MTCL2: variants seen among roughly 807,000 people sequenced by gnomAD.
MTCL2 encodes the protein microtubule crosslinking factor 2, also known as microtubule cross-linking factor 2.
chr20:36,853,020 G>GCACTC, the MTCL2 span, among the ~76,000 whole-genome samples: 1 of 150,302 alleles, frequency 6.7e-6, no homozygotes, highest in Non-Finnish European at 1.5e-5. Context: ...TCACGCCACT[G>GCACTC]CACTCCAGCT....
the MTCL2 span, among the ~76,000 whole-genome samples, chr20:36,791,374 T>C: frequency 6.6e-6 from 1 of 152,206 alleles, no homozygotes; most frequent in Non-Finnish European, 1.5e-5. Flanking sequence ...TTCTGCAACT[T>C]ATACCTAAGG....
chr20:36,810,084 C>T, the MTCL2 span: 48 of 1,598,610 alleles, frequency 3.0e-5, no homozygotes, highest in Non-Finnish European at 3.7e-5. Context: ...GGGCCTCAGC[C>T]AGCACCAGCT....
At chr20:36,839,867 T>C in the MTCL2 span, among the ~76,000 whole-genome samples, 1 of 152,182 alleles carries the variant, frequency 6.6e-6, no homozygotes, top group Non-Finnish European at 1.5e-5. This position sits in a 1 kb window ranked among gnomAD's most constrained non-coding sequence, Gnocchi z 5.1. Flanking sequence ...GTGTTCATTT[T>C]TTTGTTGTTT....
At chr20:36,839,558 G>C in the MTCL2 span, 1 of 852,568 alleles carries the variant, frequency 1.2e-6, no homozygotes, top group African/African-American at 1.7e-5. This position sits in a 1 kb window ranked among gnomAD's most constrained non-coding sequence, Gnocchi z 5.1. Flanking sequence ...GTGGCAGGCT[G>C]AATGACAGAC....
chr20:36,835,380 A>G, the MTCL2 span, among the ~76,000 whole-genome samples: 2 of 151,720 alleles, frequency 1.3e-5, no homozygotes, highest in Admixed American at 1.3e-4. Flanking sequence ...CCTCTGCTCC[A>G]TAAAACCACA....
the MTCL2 span, chr20:36,839,178 T>A: frequency 6.4e-7 from 1 of 1,560,882 alleles, no homozygotes; most frequent in South Asian, 1.1e-5. The surrounding 1 kb of genome is among the most constrained non-coding windows in gnomAD (Gnocchi z 5.1). Context: ...AGACTTGTGG[T>A]CCCATCCCAG....
At chr20:36,859,998 A>G in the MTCL2 span, 1 of 1,052,298 alleles carries the variant, frequency 9.5e-7, no homozygotes, top group African/African-American at 1.6e-5. Context: ...TAACCCCTCT[A>G]TTTATGGTCC....
At chr20:36,827,667 G>C in the MTCL2 span, among the ~76,000 whole-genome samples, 1 of 152,102 alleles carries the variant, frequency 6.6e-6, no homozygotes, top group Non-Finnish European at 1.5e-5. Flanking sequence ...TGATGTCACA[G>C]ATAAAGAAAC....
chr20:36,803,725 G>A, the MTCL2 span, among the ~76,000 whole-genome samples: 1 of 151,982 alleles, frequency 6.6e-6, no homozygotes. Context: ...GGAGGCTGAG[G>A]CCGGCAGATC....
chr20:36,791,916 G>A, the MTCL2 span, among the ~76,000 whole-genome samples: 83 of 151,898 alleles, frequency 5.5e-4, 1 homozygote, highest in Admixed American at 4.6e-4. Context: ...TTCCCTTTCT[G>A]CAAAGTTAAC....
the MTCL2 span, among the ~76,000 whole-genome samples, chr20:36,851,679 C>CTTTCTTGGCATATATCATAGGCTTATT: frequency 6.6e-6 from 1 of 152,184 alleles, no homozygotes; most frequent in Non-Finnish European, 1.5e-5. Context: ...TCCCTTGTTT[C>CTTTCTTGGCATATATCATAGGCTTATT]TTTCTTGGCA....
the MTCL2 span, chr20:36,784,847 G>A: frequency 1.7e-5 from 17 of 985,492 alleles, no homozygotes; most frequent in Non-Finnish European, 2.0e-5. Flanking sequence ...CAGGCTGGGA[G>A]ACACTCAGGT....
the MTCL2 span, among the ~76,000 whole-genome samples, chr20:36,836,155 G>C: frequency 7.5e-6 from 1 of 132,908 alleles, no homozygotes; most frequent in South Asian, 2.4e-4. Flanking sequence ...GGTACGCTTT[G>C]AACTTGGAAA....
At chr20:36,812,632 C>T in the MTCL2 span, 1 of 1,572,794 alleles carries the variant, frequency 6.4e-7, no homozygotes, top group South Asian at 1.2e-5. Context: ...GATATATGGA[C>T]CACTCTGCTT....
chr20:36,778,147 G>C, the MTCL2 span: 2 of 256,652 alleles, frequency 7.8e-6, no homozygotes, highest in East Asian at 1.6e-4. Flanking sequence ...CTTTCTCCAG[G>C]CCCTTCAACT....
chr20:36,815,038 G>C, the MTCL2 span: 1 of 1,325,322 alleles, frequency 7.5e-7, no homozygotes, highest in South Asian at 1.5e-5. This position sits in a 1 kb window ranked among gnomAD's most constrained non-coding sequence, Gnocchi z 5.3. Flanking sequence ...CTTCAGCCTG[G>C]CCAGCGGGGA....
the MTCL2 span, chr20:36,859,686 G>A: frequency 4.1e-5 from 50 of 1,231,588 alleles, no homozygotes; most frequent in Middle Eastern, 1.9e-3. Context: ...ACAGTCCTTC[G>A]CAGTTGACAG....
the MTCL2 span, among the ~76,000 whole-genome samples, chr20:36,854,038 A>C: frequency 6.6e-6 from 1 of 152,146 alleles, no homozygotes; most frequent in East Asian, 1.9e-4. Context: ...TTAGGGATAG[A>C]AGGCAAAGCT....
At chr20:36,787,084 C>T in the MTCL2 span, among the ~76,000 whole-genome samples, 1 of 152,146 alleles carries the variant, frequency 6.6e-6, no homozygotes, top group Non-Finnish European at 1.5e-5. Context: ...GCCTCAGCCT[C>T]CCAAACTGCT....
Sources: gnomAD v4.1 joint callset for allele counts (sites outside exome capture counted in the v4.1 genomes callset) on GRCh38, gnomAD v4.1.1 for gene constraint, Gnocchi (gnomAD v3.1) non-coding constraint, MANE v1.5 for transcripts, NCBI Gene and HGNC (gene_info 2026-07-23, HGNC 2026-07-21) for gene names.